The following PRELP variants were observed in gnomAD, a reference collection of about 807,000 sequenced individuals.
The protein encoded by PRELP is proline and arginine rich end leucine rich repeat protein, also known as prolargin.
A neutral mutation model predicts 22.8 loss-of-function variants in PRELP; 16 were observed. The ratio of observed to expected loss-of-function variants is 0.70; its 90% CI spans 0.47 to 1.06. The LOEUF is 1.06. Ranked by LOEUF, PRELP falls within the 50% of genes least tolerant of loss-of-function variation. PRELP has a pLI of 0.00. For missense variants in PRELP, 434 were observed against 485.2 expected (o/e 0.89, Z 0.99); for synonymous variants, 233 against 211.4 (o/e 1.10, Z -0.89).
rs539159356 is a variant in PRELP, at chr1:203,487,246, C to T, written c.*365C>T. 45 of 170,930 alleles carry T rather than the reference C, an allele frequency of 2.6e-4. 3 individuals are homozygous for T. In the South Asian group the frequency reaches 8.3e-3, roughly 32 times the overall value. 10.6% of individuals were successfully genotyped at this position (170,930 alleles called of 1,614,324 possible). ...TGGACTATCTGATCTTGGTCCTGGCCGAGCAAACAGCCCGGAGGTAAGGTT... is the reference window on the plus strand; with the variant it reads ...TGGACTATCTGATCTTGGTCCTGGCTGAGCAAACAGCCCGGAGGTAAGGTT... On this transcript the variant is annotated 3_prime_UTR_variant, in exon 3 of 3. Coordinates refer to ENST00000343110, the MANE Select transcript of PRELP (RefSeq NM_002725.4).
At position 203,488,917 on chromosome 1, in the gene PRELP, A is replaced by C. The variant is rs1661143928; in HGVS notation, c.*2036A>C. The C allele has an allele frequency of 6.6e-6, 1 of 152,256 alleles. No individual in the cohort carries two copies. Among genetic ancestry groups the C allele is most frequent in the Non-Finnish European group, 1.5e-5 (1 of 68,062 alleles). 9.4% of individuals were successfully genotyped at this position (152,256 alleles called of 1,614,324 possible). A position where few individuals can be genotyped will look rare whatever the true frequency, so the allele number is the denominator to read the frequency against. On this transcript the variant is annotated 3_prime_UTR_variant, in exon 3 of 3. Coordinates refer to ENST00000343110, the MANE Select transcript of PRELP (RefSeq NM_002725.4). ...CAAGTTAGGATGAAAAAAGTTCCAG[A>C]GGTTTTTAAGAAATTGGATTAAGCT...
At chr1:203,484,579 C>T (rs1661062954) in intron 2 of PRELP, among the ~76,000 whole-genome samples, 1 of 152,210 alleles carries the variant, frequency 6.6e-6, no homozygotes, top group Non-Finnish European at 1.5e-5. Flanking sequence ...CATTTAAATA[C>T]CTATCCTGAA....
intron 1 of PRELP, among the ~76,000 whole-genome samples, chr1:203,479,144 C>T (rs1660957544): frequency 6.6e-6 from 1 of 152,136 alleles, no homozygotes; most frequent in African/African-American, 2.4e-5. Flanking sequence ...GGAGATCTGA[C>T]AAGTAAGAAG....
At position 203,477,870 on chromosome 1, in the gene PRELP, T is replaced by A. The variant is rs576840739; in HGVS notation, c.-17+1932T>A. On this transcript the variant is annotated intron_variant, in intron 1 of 2. Coordinates refer to ENST00000343110, the MANE Select transcript of PRELP (RefSeq NM_002725.4). ...GGTGAATTAGAAAGACAGAACAAGC[T>A]TTCCCTAGGTGGCTGGGGACTTCCA... Among the ~76,000 whole-genome samples, 5 of 152,318 alleles carry A rather than the reference T, an allele frequency of 3.3e-5. No individual in the cohort carries two copies. The East Asian group carries it at 9.7e-4, about 29-fold the overall frequency.
intron 1 of PRELP, among the ~76,000 whole-genome samples, chr1:203,481,666 T>C (rs1661002229): frequency 1.3e-5 from 2 of 152,196 alleles, no homozygotes; most frequent in South Asian, 2.1e-4. Context: ...GCCTTCCTTC[T>C]TTCCTTCCAA....
In PRELP at chr1:203,483,993, T is replaced by C. The variant is rs748275321; in HGVS notation, c.809T>C (p.Phe270Ser). The C allele has an allele frequency of 1.2e-6, 2 of 1,614,230 alleles. No homozygotes were observed. The highest frequency in any genetic ancestry group is 2.2e-5 in the South Asian group (2 of 91,080). ...GYFKSFPNLA[F>S]IRLNYNKLTD... is the part of the protein sequence containing the mutation. ...TTCAAGAGCTTTCCCAATCTTGCCT[T>C]CATTCGGCTTAACTACAACAAGCTG... The change falls in exon 2 of 3, where the codon TTC (phenylalanine) becomes TCC (serine). Residue 270 changes from phenylalanine to serine, a missense_variant. By Grantham distance (155) the Phe-to-Ser change is radical. Coordinates refer to ENST00000343110, the MANE Select transcript of PRELP (RefSeq NM_002725.4). The surrounding 1 kb of genome is among the most constrained non-coding windows in gnomAD (Gnocchi z 4.4).
At chr1:203,482,674 T>G (rs1558231425) in intron 1 of PRELP, among the ~76,000 whole-genome samples, 1 of 136,946 alleles carries the variant, frequency 7.3e-6, no homozygotes, top group Non-Finnish European at 1.5e-5. Flanking sequence ...CTCGGCTCAC[T>G]GCAAACTCCG....
intron 1 of PRELP, among the ~76,000 whole-genome samples, chr1:203,482,429 A>C (rs2802799): frequency 0.58 from 85,925 of 148,652 alleles, 25,519 homozygotes; most frequent in East Asian, 0.77. Context: ...CAGGTGTCCA[A>C]CACCACACCC....
At position 203,483,190 on chromosome 1, in the gene PRELP, G is replaced by T; in HGVS notation, c.6G>T (p.Arg2Ser). The change falls in exon 2 of 3, where the codon AGG becomes AGT. Residue 2 changes from arginine (R) to serine (S), a missense_variant. Arg to Ser is a moderately radical substitution (Grantham distance 110, BLOSUM62 -1). Coordinates refer to ENST00000343110, the MANE Select transcript of PRELP (RefSeq NM_002725.4). The surrounding 1 kb of genome is among the most constrained non-coding windows in gnomAD (Gnocchi z 4.4). The stretch of plus-strand genomic sequence containing the variant: ...GCAGGTGCATCACCTGGATCATGAG[G>T]TCACCCCTCTGCTGGCTCCTCCCAC... M[R>S]SPLCWLLPLL... The T allele has an allele frequency of 1.3e-6, 2 of 1,538,892 alleles. No homozygotes were observed. The highest frequency in any genetic ancestry group is 1.4e-5 in the African/African-American group (1 of 71,956).
chr1:203,481,684 T>C (rs1368066899), intron 1 of PRELP, among the ~76,000 whole-genome samples: 1 of 152,140 alleles, frequency 6.6e-6, no homozygotes, highest in Non-Finnish European at 1.5e-5. Context: ...CAATACTCAG[T>C]GTACTGCGTA....
At chr1:203,477,877 A>G (rs1269046397) in intron 1 of PRELP, among the ~76,000 whole-genome samples, 2 of 152,212 alleles carry the variant, frequency 1.3e-5, no homozygotes, top group African/African-American at 2.4e-5. Flanking sequence ...AGCTTTCCCT[A>G]GGTGGCTGGG....
chr1:203,483,787 T>A lies in PRELP; in HGVS notation c.603T>A (p.Asp201Glu). Residue 201 changes from aspartate to glutamate, a missense_variant, in exon 2 of 3, where the codon GAT becomes GAA. By Grantham distance (45) the Asp-to-Glu change is conservative. Transcript: ENST00000343110. The surrounding 1 kb of genome is among the most constrained non-coding windows in gnomAD (Gnocchi z 4.4). ...AGCTGGAGAACCTGCTGCTCCTGGATCTCCAGCACAACAGGCTGAGCGACG... is the reference window on the plus strand; with the variant it reads ...AGCTGGAGAACCTGCTGCTCCTGGAACTCCAGCACAACAGGCTGAGCGACG... ...FSKLENLLLL[D>E]LQHNRLSDGV... 2 of 1,614,078 alleles carry A rather than the reference T, an allele frequency of 1.2e-6. No individual in the cohort carries two copies. Among genetic ancestry groups the A allele is most frequent in the South Asian group, 2.2e-5 (2 of 91,078 alleles).
chr1:203,484,176 G>A lies in PRELP; in HGVS notation c.973+19G>A, dbSNP rs773010756. 1.3e-6 allele frequency: 2 copies of A among 1,598,186 alleles called. No homozygotes were observed. Among genetic ancestry groups the A allele is most frequent in the African/African-American group, 1.3e-5 (1 of 74,726 alleles). On this transcript the variant is annotated intron_variant, in intron 2 of 2. Transcript: ENST00000343110. ...ATCGAGAGTGAGTGGGGTGGGCCGGGGCGGGGCCGAAGGCAAGGAGGTTGG... is the reference window on the plus strand; with the variant it reads ...ATCGAGAGTGAGTGGGGTGGGCCGGAGCGGGGCCGAAGGCAAGGAGGTTGG...
At chr1:203,479,647 T>C (rs192290727) in intron 1 of PRELP, among the ~76,000 whole-genome samples, 1 of 133,998 alleles carries the variant, frequency 7.5e-6, no homozygotes, top group Admixed American at 9.5e-5. Flanking sequence ...AAGGCTGCAG[T>C]GAGCTGTGAT....
At chr1:203,479,486 T>G (rs1461068164) in intron 1 of PRELP, among the ~76,000 whole-genome samples, 2 of 152,044 alleles carry the variant, frequency 1.3e-5, no homozygotes. Context: ...ACAGATCACT[T>G]GAGCTCAGGG....
At chr1:203,477,928 A>G (rs1033463650) in intron 1 of PRELP, among the ~76,000 whole-genome samples, 6 of 152,134 alleles carry the variant, frequency 3.9e-5, no homozygotes, top group Admixed American at 3.9e-4. Flanking sequence ...CTGAGACCCA[A>G]GTGTGATCTC....
At chr1:203,482,281 T>G (rs575491190) in intron 1 of PRELP, among the ~76,000 whole-genome samples, 1 of 135,314 alleles carries the variant, frequency 7.4e-6, no homozygotes, top group African/African-American at 2.7e-5. Context: ...TTTCTTTCTT[T>G]CTTTTTTTTT....
At position 203,483,324 on chromosome 1, in the gene PRELP, C is replaced by T. The variant is rs1251129598; in HGVS notation, c.140C>T (p.Pro47Leu). 1 of 1,614,094 alleles carries T rather than the reference C, an allele frequency of 6.2e-7. No homozygotes were observed. The highest frequency in any genetic ancestry group is 1.7e-5 in the Admixed American group (1 of 60,028). Residue 47 changes from proline to leucine, a missense_variant, in exon 2 of 3, where the codon CCT becomes CTT. Coordinates refer to ENST00000343110, the MANE Select transcript of PRELP (RefSeq NM_002725.4). The surrounding 1 kb of genome is among the most constrained non-coding windows in gnomAD (Gnocchi z 4.4). The stretch of plus-strand genomic sequence containing the variant: ...AGGCCCAGGCCCACACCCAGCTTTC[C>T]TCAGCCTGATGAACCAGCAGAGCCA... The part of the protein sequence containing the change: ...RPRPRPTPSF[P>L]QPDEPAEPTD...
Position 203,481,236 on chromosome 1 carries a change from A to ATT in PRELP, c.-16-1923_-16-1922dup, listed in dbSNP as rs56062017. On this transcript the variant is annotated intron_variant, in intron 1 of 2. Coordinates refer to ENST00000343110, the MANE Select transcript of PRELP (RefSeq NM_002725.4). Reference sequence around the variant, plus strand: ...AGGCTTCTGGGTGATTAGAAAATAAATTTTTTTTTTTAAATCAGGGTCACA... The same window carrying ATT: ...AGGCTTCTGGGTGATTAGAAAATAAATTTTTTTTTTTTTAAATCAGGGTCACA... Among the ~76,000 whole-genome samples the ATT allele has an allele frequency of 2.7e-5, 4 of 150,830 alleles. No individual in the cohort carries two copies. The South Asian group carries it at 8.4e-4, about 32-fold the overall frequency.
Sources: gnomAD v4.1 joint callset for allele counts (sites outside exome capture counted in the v4.1 genomes callset) on GRCh38, gnomAD v4.1.1 for gene constraint, Gnocchi (gnomAD v3.1) non-coding constraint, MANE v1.5 for transcripts, NCBI Gene and HGNC (gene_info 2026-07-23, HGNC 2026-07-21) for gene names.